The following ECPAS variants were observed in gnomAD, a reference collection of about 807,000 sequenced individuals.
The protein encoded by ECPAS is proteasome adapter and scaffold protein ECM29.
Under a neutral mutation model 255.1 loss-of-function variants are expected in ECPAS, and 70 were observed. The observed-to-expected ratio is 0.27, with a 90% CI of 0.23 to 0.33. The LOEUF is 0.33. Among genes scored for constraint, ECPAS ranks in the 10% least tolerant of loss-of-function variants. ECPAS has a pLI of 1.00. For synonymous variants in ECPAS, 784 were observed against 775.0 expected (o/e 1.01, Z -0.19); for missense variants, 1,817 against 2,206.4 (o/e 0.82, Z 3.54).
At chr9:111,391,291 C>T (rs561618934) in intron 29 of ECPAS, among the ~76,000 whole-genome samples, 13 of 152,238 alleles carry the variant, frequency 8.5e-5, no homozygotes, top group Admixed American at 2.0e-4. Flanking sequence ...TTTAAGACGT[C>T]AGCCTGCCAG....
chr9:111,462,905 G>A (rs191335010), intron 2 of ECPAS, among the ~76,000 whole-genome samples: 3 of 152,138 alleles, frequency 2.0e-5, no homozygotes, highest in Non-Finnish European at 2.9e-5. Context: ...ACCACACCTG[G>A]CTAATTTTGT....
At chr9:111,434,394 A>G (rs1239087348) in intron 7 of ECPAS, among the ~76,000 whole-genome samples, 1 of 152,240 alleles carries the variant, frequency 6.6e-6, no homozygotes, top group East Asian at 1.9e-4. Flanking sequence ...CATATCACAT[A>G]TAATTGTAAA....
intron 16 of ECPAS, among the ~76,000 whole-genome samples, chr9:111,419,057 T>C (rs762005144): frequency 3.9e-5 from 6 of 152,040 alleles, no homozygotes; most frequent in Non-Finnish European, 5.9e-5. Context: ...ATACAACTTA[T>C]AGTAAAGAAA....
At chr9:111,475,176 C>T (rs140072798) in intron 1 of ECPAS, among the ~76,000 whole-genome samples, 53 of 152,294 alleles carry the variant, frequency 3.5e-4, no homozygotes, top group African/African-American at 1.2e-3. Context: ...CTGAGGACAG[C>T]ACCATACATT....
At chr9:111,383,026 G>A (rs992244524) in intron 35 of ECPAS, among the ~76,000 whole-genome samples, 185 bp downstream of exon 35, 3 of 152,122 alleles carry the variant, frequency 2.0e-5, no homozygotes, top group African/African-American at 7.2e-5. Context: ...AGAATGCTAG[G>A]CAAAAATAAG....
chr9:111,475,919 T>C (rs142464674), intron 1 of ECPAS, among the ~76,000 whole-genome samples: 1 of 152,354 alleles, frequency 6.6e-6, no homozygotes, highest in African/African-American at 2.4e-5. Flanking sequence ...GCCTGTATTC[T>C]GGTCATTTAA....
At chr9:111,424,311 T>C (rs1357948124) in intron 12 of ECPAS, among the ~76,000 whole-genome samples, 1 of 152,212 alleles carries the variant, frequency 6.6e-6, no homozygotes, top group Non-Finnish European at 1.5e-5. Context: ...ATCTTCACAG[T>C]AATCTAATCA....
chr9:111,456,890 T>C (rs769238308), intron 2 of ECPAS, among the ~76,000 whole-genome samples: 50 of 152,156 alleles, frequency 3.3e-4, no homozygotes, highest in Non-Finnish European at 1.0e-4. Flanking sequence ...AAGTATATGA[T>C]AACTGCATGT....
At chr9:111,446,128 G>C (rs1184773625) in intron 3 of ECPAS, among the ~76,000 whole-genome samples, 1 of 152,124 alleles carries the variant, frequency 6.6e-6, no homozygotes. Context: ...AATAGTCTGA[G>C]GCATTTTTAT....
At chr9:111,393,837 G>A (rs2098163828) in intron 26 of ECPAS, 103 bp from the exon 27 acceptor site, 1 of 875,722 alleles carries the variant, frequency 1.1e-6, no homozygotes. Context: ...TATTATCCAA[G>A]CCAGTTACAA....
At position 111,411,919 on chromosome 9, in the gene ECPAS, C is replaced by T. The variant is rs2098195153; in HGVS notation, c.2214+95G>A. ...CATAAAAGCAAGGAATTTGTAAGTTCATTTTACAAATGAGAACATAAAAGT... is the reference window on the plus strand; with the variant it reads ...CATAAAAGCAAGGAATTTGTAAGTTTATTTTACAAATGAGAACATAAAAGT... On this transcript the variant is annotated intron_variant, in intron 21 of 49. Transcript: ENST00000684092. The T allele has an allele frequency of 2.6e-6, 3 of 1,141,440 alleles. 1 individual carries two copies. The South Asian group carries it at 5.6e-5, about 21-fold the overall frequency. The allele number at this position is 1,141,440 out of a possible 1,614,324, so 70.7% of individuals were successfully genotyped here.
At chr9:111,431,488 G>T (rs188420566) in intron 8 of ECPAS, among the ~76,000 whole-genome samples, 1 of 151,892 alleles carries the variant, frequency 6.6e-6, no homozygotes, top group Non-Finnish European at 1.5e-5. Context: ...AATCCGAGAG[G>T]GGGAGATTGC....
intron 24 of ECPAS, among the ~76,000 whole-genome samples, chr9:111,400,332 AT>A (rs750709026): frequency 4.6e-5 from 7 of 152,214 alleles, no homozygotes; most frequent in Non-Finnish European, 8.8e-5. Context: ...ACTGGAATAA[AT>A]ATTTAACTCT....
At chr9:111,460,878 C>T (rs764725740) in intron 2 of ECPAS, among the ~76,000 whole-genome samples, 1 of 151,956 alleles carries the variant, frequency 6.6e-6, no homozygotes, top group Non-Finnish European at 1.5e-5. Context: ...CAATATAATC[C>T]AAGCACAATC....
intron 17 of ECPAS, among the ~76,000 whole-genome samples, chr9:111,417,121 T>C (rs1451156527): frequency 1.3e-5 from 2 of 151,962 alleles, no homozygotes; most frequent in African/African-American, 4.8e-5. Flanking sequence ...ACGCCTGTAG[T>C]CCCAGCTATC....
intron 1 of ECPAS, among the ~76,000 whole-genome samples, chr9:111,479,313 G>A (rs2098300541): frequency 6.6e-6 from 1 of 152,074 alleles, no homozygotes; most frequent in South Asian, 2.1e-4. Context: ...AACTGTTAAG[G>A]CAGGCAGGGC....
intron 2 of ECPAS, among the ~76,000 whole-genome samples, chr9:111,455,460 G>A (rs2098265704): frequency 1.3e-5 from 2 of 152,146 alleles, no homozygotes; most frequent in South Asian, 4.1e-4. Flanking sequence ...CTCCAGTCTG[G>A]GCAATAAAGC....
intron 24 of ECPAS, among the ~76,000 whole-genome samples, chr9:111,399,423 C>A (rs1347760016): frequency 1.3e-5 from 2 of 152,194 alleles, no homozygotes; most frequent in Non-Finnish European, 2.9e-5. Context: ...GAAAGAGAAC[C>A]TGTGTGCTTG....
At chr9:111,367,079 G>A (rs1013891058) in intron 46 of ECPAS, among the ~76,000 whole-genome samples, 42 of 152,166 alleles carry the variant, frequency 2.8e-4, no homozygotes, top group African/African-American at 9.9e-4. Flanking sequence ...CAAATTGCAG[G>A]TTTACCAAGA....
Sources: gnomAD v4.1 joint callset for allele counts (sites outside exome capture counted in the v4.1 genomes callset) on GRCh38, gnomAD v4.1.1 for gene constraint, MANE v1.5 for transcripts, NCBI Gene and HGNC (gene_info 2026-07-23, HGNC 2026-07-21) for gene names.